AK9: variants seen among roughly 807,000 people sequenced by gnomAD.
AK9 encodes adenylate kinase domain containing 1.
Under a neutral mutation model 239.6 loss-of-function variants are expected in AK9, and 191 were observed. The observed-to-expected ratio is 0.80, with a 90% CI of 0.71 to 0.90. AK9 has a LOEUF of 0.90. AK9 is among the 40% of genes least tolerant of loss of function. The probability of loss-of-function intolerance (pLI) is 0.00; values close to 1 mark genes in which losing one functional copy is unlikely to be tolerated. For missense variants in AK9, 1,995 were observed against 2,214.7 expected, an observed-to-expected ratio of 0.90 and a Z score of 1.99; for synonymous variants, 689 against 721.0, an observed-to-expected ratio of 0.96 and a Z score of 0.71.
chr6:109,561,806 T>G (rs1467484540), intron 24 of AK9, among the ~76,000 whole-genome samples: 2 of 152,222 alleles, frequency 1.3e-5, no homozygotes, highest in East Asian at 1.9e-4. Context: ...AATATTTTCT[T>G]CATGTTTCTT....
In AK9 at chr6:109,600,507, G is replaced by A. The variant is rs1394217132; in HGVS notation, c.1842+9858C>T. Among the ~76,000 whole-genome samples, 6 of 152,108 alleles carry A rather than the reference G, an allele frequency of 3.9e-5. 1 individual carries two copies. Among genetic ancestry groups the A allele is most frequent in the African/African-American group, 1.2e-4 (5 of 41,410 alleles). On this transcript the variant is annotated intron_variant, in intron 17 of 40. Coordinates refer to ENST00000424296, the MANE Select transcript of AK9 (RefSeq NM_001145128.3). The stretch of plus-strand genomic sequence containing the variant: ...GTATTTTATTGAGGATTTTTGCATC[G>A]ATGTTCATCAGGGATATTGGTCTAC...
At chr6:109,641,126 C>CAT (rs932134115) in intron 10 of AK9, among the ~76,000 whole-genome samples, 4 of 137,256 alleles carry the variant, frequency 2.9e-5, no homozygotes, top group Admixed American at 1.6e-4. Context: ...CCACAACATA[C>CAT]ATATATATAT....
chr6:109,645,207 T>G (rs1336099833), intron 8 of AK9, among the ~76,000 whole-genome samples: 1 of 152,132 alleles, frequency 6.6e-6, no homozygotes, highest in Non-Finnish European at 1.5e-5. Flanking sequence ...TGGGACTGGT[T>G]GGACAGTGGG....
rs1796294907 is a variant in AK9 at position 109,633,018 on chromosome 6, T to C, written c.1159A>G (p.Met387Val). The C allele has an allele frequency of 4.4e-6, 7 of 1,603,214 alleles. No individual in the cohort carries two copies. Among genetic ancestry groups the C allele is most frequent in the African/African-American group, 4.0e-5 (3 of 74,534 alleles). The change falls in exon 12 of 41, where the codon ATG (methionine) becomes GTG (valine). Residue 387 changes from methionine (M) to valine (V), a missense_variant. By Grantham distance (21) the Met-to-Val change is conservative. Around this residue, in one of 5 missense-constraint regions of AK9, gnomAD observed 1,290 missense variants for 1,392.7 expected, o/e 0.93. Coordinates refer to ENST00000424296, the MANE Select transcript of AK9 (RefSeq NM_001145128.3). ...AATACTTTACATGGTGGTCCTGGCA[T>C]AGGTGGAAGCAGATAGGGACGTGGG... is the stretch of plus-strand genomic sequence containing the variant. ...LNPRPYLLPP[M>V]PGPPCKVFIL...
intron 12 of AK9, among the ~76,000 whole-genome samples, chr6:109,622,269 TAAGAAA>T (rs1302748234): frequency 1.4e-5 from 2 of 143,968 alleles, no homozygotes; most frequent in Non-Finnish European, 3.0e-5. Context: ...TACATTCCTA[TAAGAAA>T]AAGAATCAGG....
At chr6:109,684,541 C>T (rs1363144035) in intron 1 of AK9, among the ~76,000 whole-genome samples, 1 of 151,910 alleles carries the variant, frequency 6.6e-6, no homozygotes, top group African/African-American at 2.4e-5. Flanking sequence ...AGAACTTAAA[C>T]AAACTTACAA....
At chr6:109,598,320 G>A (rs1028048401) in intron 17 of AK9, among the ~76,000 whole-genome samples, 19 of 150,790 alleles carry the variant, frequency 1.3e-4, no homozygotes, top group African/African-American at 2.0e-4. Context: ...GAGAACATGC[G>A]GTGTTTGGTT....
chr6:109,667,441 T>C (rs147316705), intron 5 of AK9, among the ~76,000 whole-genome samples: 2,241 of 152,326 alleles, frequency 0.015, 59 homozygotes, highest in African/African-American at 0.051. Flanking sequence ...CTAGGGTACA[T>C]GTGCACAATG....
At chr6:109,628,970 A>T (rs1300784372) in intron 12 of AK9, among the ~76,000 whole-genome samples, 1 of 152,212 alleles carries the variant, frequency 6.6e-6, no homozygotes, top group Non-Finnish European at 1.5e-5. Context: ...ATGAAATATA[A>T]TTATCAATCT....
At chr6:109,575,523 G>A (rs1312051361) in intron 20 of AK9, among the ~76,000 whole-genome samples, 2 of 151,910 alleles carry the variant, frequency 1.3e-5, no homozygotes, top group South Asian at 4.1e-4. Context: ...TTTCTGATGG[G>A]ATTATTATTT....
At chr6:109,556,711 T>C (rs1785045800) in intron 24 of AK9, among the ~76,000 whole-genome samples, 1 of 152,026 alleles carries the variant, frequency 6.6e-6, no homozygotes, top group Non-Finnish European at 1.5e-5. Flanking sequence ...TTCATTTTCA[T>C]TCTTTTTTCT....
At chr6:109,600,471 T>C (rs1472787966) in intron 17 of AK9, among the ~76,000 whole-genome samples, 5 of 152,216 alleles carry the variant, frequency 3.3e-5, no homozygotes, top group Non-Finnish European at 7.3e-5. Context: ...GCTGTTGGAT[T>C]TGGTTTACCA....
At chr6:109,529,668 T>C (rs1780979484) in intron 28 of AK9, among the ~76,000 whole-genome samples, 1 of 152,182 alleles carries the variant, frequency 6.6e-6, no homozygotes, top group South Asian at 2.1e-4. Context: ...TGCAACTACA[T>C]GGTCCCATCT....
chr6:109,573,627 G>A (rs1583066416), intron 20 of AK9, 33 bp from the exon 21 acceptor site: 1 of 1,521,478 alleles, frequency 6.6e-7, no homozygotes, highest in African/African-American at 1.4e-5. Context: ...ATTATCATTT[G>A]GTTGAAGTCA....
intron 5 of AK9, among the ~76,000 whole-genome samples, chr6:109,670,435 C>T (rs975932066): frequency 1.7e-4 from 26 of 151,692 alleles, no homozygotes; most frequent in Admixed American, 1.2e-3. Flanking sequence ...GTAGATGAAA[C>T]GAGATTAGAC....
Position 109,640,033 on chromosome 6 carries a change from C to A in AK9, c.933+1485G>T, listed in dbSNP as rs910242934. ...TCTCTGTTTGGGTACCAATACCATG[C>A]TGTTTTGGTTACTGTAGCCTTGTAG... On this transcript the variant is annotated intron_variant, in intron 10 of 40. Coordinates refer to ENST00000424296, the MANE Select transcript of AK9 (RefSeq NM_001145128.3). 5.3e-5 allele frequency among the ~76,000 whole-genome samples: 8 copies of A among 152,340 alleles called. 2 individuals are homozygous for A.
chr6:109,534,526 T>C (rs1354913985), intron 27 of AK9, among the ~76,000 whole-genome samples: 2 of 150,588 alleles, frequency 1.3e-5, no homozygotes, highest in Non-Finnish European at 3.0e-5. Flanking sequence ...GCCTTCAAAG[T>C]TGTTAATTCA....
chr6:109,659,154 C>T, intron 7 of AK9, 74 bp downstream of exon 7: 1 of 1,419,398 alleles, frequency 7.0e-7, no homozygotes, highest in East Asian at 2.5e-5. Context: ...TTCCTATTAC[C>T]TATACCATCA....
At chr6:109,670,726 C>A (rs1057341927) in intron 5 of AK9, among the ~76,000 whole-genome samples, 10 of 152,012 alleles carry the variant, frequency 6.6e-5, no homozygotes, top group African/African-American at 2.4e-4. Context: ...TACCTATATA[C>A]ATATCTGTTT....
Sources: gnomAD v4.1 joint callset for allele counts (sites outside exome capture counted in the v4.1 genomes callset) on GRCh38, gnomAD v4.1.1 for gene constraint, gnomAD v4.1.1 regional missense constraint, MANE v1.5 for transcripts, NCBI Gene and HGNC (gene_info 2026-07-23, HGNC 2026-07-21) for gene names.